The following ARHGAP24 variants were observed in gnomAD, a reference collection of about 807,000 sequenced individuals.
ARHGAP24 encodes the protein rho GTPase-activating protein 24.
ARHGAP24 carries 50 observed loss-of-function variants against 76.4 expected under a neutral mutation model. That is an observed-to-expected ratio of 0.65 (90% CI 0.52 to 0.83). The LOEUF (loss-of-function observed/expected upper bound fraction) is 0.83. ARHGAP24 is among the 40% of genes least tolerant of loss of function. The pLI, the probability that ARHGAP24 is intolerant of heterozygous loss-of-function variation, is 0.00. For missense variants in ARHGAP24, 930 were observed against 914.2 expected (o/e 1.02, Z -0.22); for synonymous variants, 345 against 323.3 (o/e 1.07, Z -0.72).
At chr4:85,778,892 T>C in intron 3 of ARHGAP24, 2 of 985,444 alleles carry the variant, frequency 2.0e-6, no homozygotes, top group Non-Finnish European at 2.4e-6. Flanking sequence ...AACTTTAAAC[T>C]GAAGGCAGTG....
At chr4:85,812,633 A>T (rs1407951122) in intron 3 of ARHGAP24, among the ~76,000 whole-genome samples, 1 of 152,172 alleles carries the variant, frequency 6.6e-6, no homozygotes, top group Non-Finnish European at 1.5e-5. Context: ...TCATAGCTCC[A>T]ATTCTCTTTC....
intron 3 of ARHGAP24, among the ~76,000 whole-genome samples, chr4:85,841,426 C>T (rs1730590935): frequency 6.6e-6 from 1 of 152,198 alleles, no homozygotes; most frequent in Non-Finnish European, 1.5e-5. Flanking sequence ...CTAATCGCTT[C>T]AATTTCCTCA....
At chr4:85,807,087 AT>A (rs938480829) in intron 3 of ARHGAP24, among the ~76,000 whole-genome samples, 3 of 151,988 alleles carry the variant, frequency 2.0e-5, no homozygotes, top group Admixed American at 6.6e-5. Flanking sequence ...TAACAGTATA[AT>A]TTTTTTCTTT....
At chr4:85,528,519 G>A (rs915795175) in intron 1 of ARHGAP24, among the ~76,000 whole-genome samples, 9 of 151,974 alleles carry the variant, frequency 5.9e-5, no homozygotes, top group Non-Finnish European at 1.0e-4. Context: ...ATATAGGCAA[G>A]ATGTAATTCG....
chr4:85,642,056 G>A (rs552046798), intron 2 of ARHGAP24, among the ~76,000 whole-genome samples: 136 of 152,206 alleles, frequency 8.9e-4, no homozygotes, highest in African/African-American at 3.2e-3. Flanking sequence ...CATAGGTGTG[G>A]GGCAGGACCC....
chr4:85,513,744 T>C (rs1204263196), intron 1 of ARHGAP24, among the ~76,000 whole-genome samples: 1 of 152,186 alleles, frequency 6.6e-6, no homozygotes, highest in African/African-American at 2.4e-5. Context: ...ATATTTGATA[T>C]TGCAAAAAGT....
At chr4:85,842,827 G>T (rs917085818) in intron 3 of ARHGAP24, among the ~76,000 whole-genome samples, 30 of 152,194 alleles carry the variant, frequency 2.0e-4, no homozygotes, top group Non-Finnish European at 2.8e-4. Context: ...TCTACTCTGT[G>T]CCAAATGCAT....
At chr4:85,568,616 A>C (rs1726946794) in intron 1 of ARHGAP24, among the ~76,000 whole-genome samples, 1 of 152,180 alleles carries the variant, frequency 6.6e-6, no homozygotes, top group African/African-American at 2.4e-5. Context: ...GGGCATAGCA[A>C]ATTGGAGGCA....
intron 3 of ARHGAP24, among the ~76,000 whole-genome samples, chr4:85,736,863 T>A (rs912343934): frequency 6.6e-6 from 1 of 152,192 alleles, no homozygotes; most frequent in Non-Finnish European, 1.5e-5. Flanking sequence ...ATGAGGATGG[T>A]GATCTGTGTA....
At chr4:85,519,785 T>C (rs550871661) in intron 1 of ARHGAP24, among the ~76,000 whole-genome samples, 34 of 150,234 alleles carry the variant, frequency 2.3e-4, no homozygotes, top group Admixed American at 9.3e-4. Context: ...TACTTCTCCC[T>C]CTACTGAAAT....
intron 3 of ARHGAP24, among the ~76,000 whole-genome samples, chr4:85,747,387 G>A (rs1055922502): frequency 6.6e-5 from 10 of 151,964 alleles, no homozygotes; most frequent in Admixed American, 1.3e-4. Flanking sequence ...AAATTGAACC[G>A]CCTACAATAT....
At chr4:85,520,156 G>A (rs1313828528) in intron 1 of ARHGAP24, among the ~76,000 whole-genome samples, 1 of 152,102 alleles carries the variant, frequency 6.6e-6, no homozygotes, top group East Asian at 1.9e-4. Context: ...GTATAAAAGA[G>A]GTTTTAATTT....
chr4:85,603,955 G>C (rs1324201341), intron 2 of ARHGAP24, among the ~76,000 whole-genome samples: 2 of 152,190 alleles, frequency 1.3e-5, no homozygotes, highest in East Asian at 3.9e-4. Context: ...TGAGCAAAAA[G>C]AATACTCATT....
At chr4:85,735,519 C>T (rs1439007755) in intron 3 of ARHGAP24, among the ~76,000 whole-genome samples, 1 of 152,154 alleles carries the variant, frequency 6.6e-6, no homozygotes, top group African/African-American at 2.4e-5. Context: ...GTTGATTACT[C>T]CTTTTTTCTG....
chr4:85,831,260 C>T (rs913961793), intron 3 of ARHGAP24, among the ~76,000 whole-genome samples: 11 of 152,066 alleles, frequency 7.2e-5, no homozygotes, highest in Admixed American at 2.0e-4. Flanking sequence ...CTTTTCAATA[C>T]GTAATTCAAA....
intron 3 of ARHGAP24, among the ~76,000 whole-genome samples, chr4:85,761,693 AGATG>A (rs1726738853): frequency 6.6e-6 from 1 of 152,188 alleles, no homozygotes; most frequent in African/African-American, 2.4e-5. Context: ...TTACTCAAAA[AGATG>A]CCTAAAATAT....
rs376374833 is a variant in ARHGAP24, at chr4:85,475,577, G to T, written c.-21+18G>T. On this transcript the variant is annotated intron_variant, in intron 1 of 9. Coordinates refer to ENST00000395184, the MANE Select transcript of ARHGAP24 (RefSeq NM_001025616.3). ...CCAGCAAGGTAGGTGATGCGGTCGCGAGGAAGTGCGCGGAGCTACCGCGGG... is the reference window on the plus strand; with the variant it reads ...CCAGCAAGGTAGGTGATGCGGTCGCTAGGAAGTGCGCGGAGCTACCGCGGG... The T allele has an allele frequency of 1.3e-5, 2 of 151,522 alleles. No homozygotes were observed. Among genetic ancestry groups the T allele is most frequent in the South Asian group, 4.2e-4 (2 of 4,772 alleles). 9.4% of individuals were successfully genotyped at this position (151,522 alleles called of 1,614,324 possible).
intron 1 of ARHGAP24, among the ~76,000 whole-genome samples, chr4:85,546,389 A>G (rs1725923335): frequency 6.6e-6 from 1 of 152,128 alleles, no homozygotes; most frequent in Non-Finnish European, 1.5e-5. Flanking sequence ...GAGAATAGAA[A>G]AACATTTCTA....
chr4:85,787,520 C>A (rs1050463883), intron 3 of ARHGAP24, among the ~76,000 whole-genome samples: 2 of 151,296 alleles, frequency 1.3e-5, no homozygotes, highest in Non-Finnish European at 2.9e-5. Context: ...AGGGATAATT[C>A]AAAAAAAAGT....
Sources: allele counts gnomAD v4.1 joint callset (sites outside exome capture counted in the v4.1 genomes callset), GRCh38; gene constraint gnomAD v4.1.1; transcripts MANE v1.5; gene names NCBI Gene and HGNC (gene_info 2026-07-23, HGNC 2026-07-21).